GPHN: variants seen among roughly 807,000 people sequenced by gnomAD.
The protein encoded by GPHN is gephyrin.
A neutral mutation model predicts 95.5 loss-of-function variants in GPHN; 17 were observed. The observed-to-expected ratio is 0.18, with a 90% CI of 0.12 to 0.27. The LOEUF (loss-of-function observed/expected upper bound fraction) is 0.27, where lower values mean the gene tolerates loss of function less well. GPHN is among the 10% of genes least tolerant of loss of function. The probability of loss-of-function intolerance (pLI) is 1.00; values close to 1 mark genes in which losing one functional copy is unlikely to be tolerated. For missense variants in GPHN, 660 were observed against 978.1 expected (o/e 0.67, Z 4.34); for synonymous variants, 320 against 322.5 (o/e 0.99, Z 0.08).
At chr14:67,647,544 G>A in the GPHN span, 3 of 155,596 alleles carry the variant, frequency 1.9e-5, no homozygotes, top group African/African-American at 7.2e-5. Context: ...GGACACTGGG[G>A]CTATAATGAA....
intron 1 of GPHN, among the ~76,000 whole-genome samples, chr14:66,624,424 C>G (rs1161100928): frequency 6.6e-6 from 1 of 152,164 alleles, no homozygotes; most frequent in East Asian, 1.9e-4. Context: ...GTGGGTAAAG[C>G]CCTTGGGCTG....
chr14:67,727,639 C>T, the GPHN span: 21 of 213,680 alleles, frequency 9.8e-5, no homozygotes, highest in Admixed American at 4.8e-4. Flanking sequence ...CGCAATATCA[C>T]GCCTGGCTAA....
chr14:67,659,926 G>C, the GPHN span: 1 of 1,611,838 alleles, frequency 6.2e-7, no homozygotes, highest in Non-Finnish European at 8.5e-7. Flanking sequence ...CTGCCAGCTG[G>C]GAAGGCAGAA....
chr14:66,908,290 C>T (rs6573737), intron 5 of GPHN, among the ~76,000 whole-genome samples: 38,053 of 151,510 alleles, frequency 0.25, 9,679 homozygotes, highest in African/African-American at 0.62. Flanking sequence ...CAAACTACAA[C>T]AAAACACACA....
At chr14:67,274,928 G>A in the GPHN span, among the ~76,000 whole-genome samples, 4 of 152,120 alleles carry the variant, frequency 2.6e-5, no homozygotes, top group Non-Finnish European at 4.4e-5. Flanking sequence ...CTATTTGTCT[G>A]TTATTGGTGT....
the GPHN span, chr14:67,590,321 C>T: frequency 7.6e-6 from 4 of 529,174 alleles, no homozygotes; most frequent in South Asian, 5.6e-5. Context: ...GGCGCAATCT[C>T]GGCTCACTGC....
chr14:67,290,707 A>AT, the GPHN span, among the ~76,000 whole-genome samples: 3 of 150,688 alleles, frequency 2.0e-5, no homozygotes, highest in Non-Finnish European at 4.4e-5. Flanking sequence ...CATTTTTTAT[A>AT]TTTTTTTAGT....
At chr14:67,557,206 A>T in the GPHN span, 1 of 1,434,258 alleles carries the variant, frequency 7.0e-7, no homozygotes, top group Non-Finnish European at 9.7e-7. Context: ...ATCCCACGTT[A>T]CTGGCCACTG....
At chr14:67,202,087 G>C in the GPHN span, among the ~76,000 whole-genome samples, 2 of 152,196 alleles carry the variant, frequency 1.3e-5, no homozygotes, top group African/African-American at 4.8e-5. Context: ...GCCAGAACTG[G>C]TCGATTGGTA....
intron 1 of GPHN, among the ~76,000 whole-genome samples, chr14:66,562,711 A>C (rs1482778072): frequency 1.3e-5 from 2 of 152,116 alleles, no homozygotes; most frequent in East Asian, 3.9e-4. Context: ...AATCAATGGA[A>C]GATAAGGGAT....
intron 2 of GPHN, among the ~76,000 whole-genome samples, chr14:66,752,709 G>A (rs1385674537): frequency 2.0e-5 from 3 of 151,974 alleles, no homozygotes; most frequent in Admixed American, 1.3e-4. Context: ...TGACACAGAC[G>A]TGAAGTGAGC....
chr14:67,124,126 C>A (rs758511211), intron 17 of GPHN, among the ~76,000 whole-genome samples: 2 of 152,112 alleles, frequency 1.3e-5, no homozygotes, highest in Non-Finnish European at 2.9e-5. Context: ...AGAAGTTTGG[C>A]CAGGAGTGGT....
At chr14:66,828,220 AAAAT>A (rs1175890209) in intron 4 of GPHN, among the ~76,000 whole-genome samples, 1 of 151,950 alleles carries the variant, frequency 6.6e-6, no homozygotes, top group Non-Finnish European at 1.5e-5. Flanking sequence ...TAATACTAAT[AAAAT>A]AAATAATAAA....
intron 1 of GPHN, among the ~76,000 whole-genome samples, chr14:66,560,952 A>G (rs1433136871): frequency 1.3e-5 from 2 of 152,038 alleles, no homozygotes; most frequent in African/African-American, 2.4e-5. Context: ...TTAGTATGAA[A>G]GGTTGTTGAA....
chr14:66,982,956 T>C (rs1343311357), intron 9 of GPHN, among the ~76,000 whole-genome samples: 1 of 152,138 alleles, frequency 6.6e-6, no homozygotes. Flanking sequence ...TAAAATGTAA[T>C]AATCAAGCAT....
At chr14:66,617,619 G>T (rs2063105772) in intron 1 of GPHN, among the ~76,000 whole-genome samples, 1 of 152,056 alleles carries the variant, frequency 6.6e-6, no homozygotes, top group African/African-American at 2.4e-5. Context: ...CTTTTCAATG[G>T]GAGCCTCCGA....
the GPHN span, among the ~76,000 whole-genome samples, chr14:67,386,732 A>G: frequency 2.6e-5 from 4 of 152,190 alleles, no homozygotes; most frequent in African/African-American, 9.6e-5. Context: ...TATTTTTCGT[A>G]TACGTGATTA....
rs1454259122 is a variant in GPHN, at chr14:67,144,246, AAAAAATATAT to A, written c.1836+799_1836+808del. The stretch of plus-strand genomic sequence containing the variant: ...AGCAAGACCCTGTCTTAAAAAAAAA[AAAAAATATAT>A]ATATATATATATATATATATATATA... On this transcript the variant is annotated intron_variant, in intron 18 of 22. Transcript: ENST00000478722. 2.6e-4 allele frequency among the ~76,000 whole-genome samples: 17 copies of A among 65,618 alleles called. 2 individuals are homozygous for A. Among genetic ancestry groups the A allele is most frequent in the African/African-American group, 1.4e-3 (17 of 12,586 alleles). 43.0% of individuals were successfully genotyped at this position (65,618 alleles called of 152,430 possible).
At chr14:67,225,155 C>G in the GPHN span, 1 of 1,585,442 alleles carries the variant, frequency 6.3e-7, no homozygotes, top group East Asian at 2.3e-5. Context: ...CTAATTTCCT[C>G]AAACTTGTGC....
Sources: gnomAD v4.1 joint callset for allele counts (sites outside exome capture counted in the v4.1 genomes callset) on GRCh38, gnomAD v4.1.1 for gene constraint, MANE v1.5 for transcripts, NCBI Gene and HGNC (gene_info 2026-07-23, HGNC 2026-07-21) for gene names.